The following HIPK2 variants were observed in gnomAD, a reference collection of about 807,000 sequenced individuals.
The protein encoded by HIPK2 is homeodomain interacting protein kinase 2, also known as homeodomain-interacting protein kinase 2.
In HIPK2, 27 loss-of-function variants were observed where a neutral mutation model predicts 113.7. That is an observed-to-expected ratio of 0.24 (90% CI 0.17 to 0.33). HIPK2 has a LOEUF of 0.33. HIPK2 is among the 10% of genes least tolerant of loss of function. The pLI is 1.00. For missense variants in HIPK2, 1,257 were observed against 1,588.0 expected (o/e 0.79, Z 3.54); for synonymous variants, 631 against 642.2 (o/e 0.98, Z 0.26).
rs1368683419 is a variant in HIPK2 at position 139,620,532 on chromosome 7, A to T, written c.1651T>A (p.Cys551Ser). The T allele has an allele frequency of 1.2e-6, 2 of 1,614,092 alleles. No individual in the cohort carries two copies. The highest frequency in any genetic ancestry group is 8.5e-7 in the Non-Finnish European group (1 of 1,180,042). The change falls in exon 7 of 15, where the codon TGC (cysteine) becomes AGC (serine). Residue 551 changes from cysteine to serine, a missense_variant. By Grantham distance (112) the Cys-to-Ser change is moderately radical. Around this residue, in one of 5 missense-constraint regions of HIPK2, gnomAD observed 862 missense variants for 1,004.3 expected, o/e 0.86. Coordinates refer to ENST00000406875, the MANE Select transcript of HIPK2 (RefSeq NM_022740.5). ...TCATACATATTCACCCGACGCTTGCAGATCTCCATGTTCTGGAAACATGAT... is the reference window on the plus strand; with the variant it reads ...TCATACATATTCACCCGACGCTTGCTGATCTCCATGTTCTGGAAACATGAT... The part of the protein sequence containing the change: ...VKSCFQNMEI[C>S]KRRVNMYDTV...
At chr7:139,580,308 G>A (rs376811014) in intron 13 of HIPK2, among the ~76,000 whole-genome samples, 2 of 152,156 alleles carry the variant, frequency 1.3e-5, no homozygotes, top group South Asian at 4.1e-4. Flanking sequence ...TGAAATGGGC[G>A]TAATGCAGCC....
intron 2 of HIPK2, among the ~76,000 whole-genome samples, chr7:139,709,944 T>C (rs1795012463): frequency 1.3e-5 from 2 of 152,226 alleles, no homozygotes; most frequent in South Asian, 4.1e-4. Flanking sequence ...TTAAATGCAC[T>C]AACAATGTCC....
chr7:139,650,038 C>G (rs1801398453), intron 2 of HIPK2, among the ~76,000 whole-genome samples: 2 of 151,986 alleles, frequency 1.3e-5, no homozygotes, highest in Non-Finnish European at 1.5e-5. Flanking sequence ...GAAGACAGTT[C>G]TAAGATGGGA....
At chr7:139,646,944 C>T (rs1287708883) in intron 2 of HIPK2, among the ~76,000 whole-genome samples, 6 of 151,920 alleles carry the variant, frequency 3.9e-5, no homozygotes, top group South Asian at 2.1e-4. Context: ...TGTCAGTGGC[C>T]CTGTGGAAAG....
chr7:139,682,188 G>A (rs1436460125), intron 2 of HIPK2, among the ~76,000 whole-genome samples: 2 of 152,100 alleles, frequency 1.3e-5, no homozygotes, highest in African/African-American at 4.8e-5. Flanking sequence ...CAATATTCAC[G>A]ACAGGCAAGG....
intron 6 of HIPK2, among the ~76,000 whole-genome samples, chr7:139,625,837 G>A (rs1017456333): frequency 3.9e-5 from 6 of 152,114 alleles, no homozygotes; most frequent in African/African-American, 9.7e-5. Flanking sequence ...ACTGTACCCC[G>A]GCACACAGCA....
At chr7:139,643,927 T>A (rs1801118898) in intron 2 of HIPK2, among the ~76,000 whole-genome samples, 1 of 152,172 alleles carries the variant, frequency 6.6e-6, no homozygotes, top group African/African-American at 2.4e-5. Context: ...TGGTCTCTGG[T>A]GCTATACCAT....
intron 2 of HIPK2, among the ~76,000 whole-genome samples, chr7:139,691,834 T>G (rs753365272): frequency 2.0e-5 from 3 of 152,200 alleles, no homozygotes; most frequent in Non-Finnish European, 4.4e-5. Context: ...ATCATGGTGC[T>G]CTGTCAAGTA....
chr7:139,604,683 CAAAAAAAAAAA>C (rs11353760), intron 9 of HIPK2, among the ~76,000 whole-genome samples: 1 of 48,772 alleles, frequency 2.1e-5, no homozygotes, highest in African/African-American at 7.7e-5. Flanking sequence ...GACTCCGTCT[CAAAAAAAAAAA>C]AAAAAAAAAA....
intron 1 of HIPK2, among the ~76,000 whole-genome samples, chr7:139,775,775 C>CG (rs1030983620): frequency 7.2e-5 from 11 of 152,146 alleles, no homozygotes; most frequent in South Asian, 4.1e-4. Context: ...GTCTCAGCCT[C>CG]GGGGGCATGG....
Position 139,563,936 on chromosome 7 carries a change from C to A in HIPK2, c.*8991G>T. 2.5e-6 allele frequency: 1 copy of A among 398,634 alleles called. No individual in the cohort carries two copies. Among genetic ancestry groups the A allele is most frequent in the Non-Finnish European group, 4.4e-6 (1 of 226,072 alleles). 24.7% of individuals were successfully genotyped at this position (398,634 alleles called of 1,614,324 possible). A position where few individuals can be genotyped will look rare whatever the true frequency, so the allele number is the denominator to read the frequency against. Reference sequence around the variant, plus strand: ...TAAAAGAAACCAAGACTCAGGGAAACTGCCATTCCCCCAGTCTGTTTCTGC... The same window carrying A: ...TAAAAGAAACCAAGACTCAGGGAAAATGCCATTCCCCCAGTCTGTTTCTGC... On this transcript the variant is annotated 3_prime_UTR_variant, in exon 15 of 15. Coordinates refer to ENST00000406875, the MANE Select transcript of HIPK2 (RefSeq NM_022740.5).
chr7:139,776,282 A>G (rs1272113190), intron 1 of HIPK2, among the ~76,000 whole-genome samples: 1 of 146,732 alleles, frequency 6.8e-6, no homozygotes, highest in Non-Finnish European at 1.5e-5. Flanking sequence ...TGTTTCTAAG[A>G]GAGTCTGAAA....
At chr7:139,773,618 G>GGA (rs145176496) in intron 1 of HIPK2, among the ~76,000 whole-genome samples, 4 of 152,036 alleles carry the variant, frequency 2.6e-5, no homozygotes, top group Non-Finnish European at 4.4e-5. Flanking sequence ...TGGGAGGAAG[G>GGA]GAGAGAGAGA....
intron 1 of HIPK2, among the ~76,000 whole-genome samples, chr7:139,755,140 T>C (rs1461865612): frequency 6.6e-6 from 1 of 152,146 alleles, no homozygotes; most frequent in Admixed American, 6.5e-5. Flanking sequence ...GCACACACCA[T>C]CAGCCTGGTC....
At chr7:139,753,212 G>A (rs369656713) in intron 1 of HIPK2, among the ~76,000 whole-genome samples, 10 of 152,320 alleles carry the variant, frequency 6.6e-5, no homozygotes, top group African/African-American at 1.7e-4. Context: ...GGCTGCCTCC[G>A]CAGAACAGAG....
intron 1 of HIPK2, 89 bp downstream of exon 1, chr7:139,777,516 G>T: frequency 4.0e-6 from 2 of 497,330 alleles, no homozygotes; most frequent in Non-Finnish European, 5.3e-6. Context: ...GGCGCCGGGG[G>T]CTGCGGGCGC....
At chr7:139,643,426 T>G (rs559411368) in intron 2 of HIPK2, among the ~76,000 whole-genome samples, 43 of 151,886 alleles carry the variant, frequency 2.8e-4, no homozygotes, top group African/African-American at 9.9e-4. Context: ...ACACTGATCC[T>G]TCGTTCTTAG....
chr7:139,753,132 G>A (rs1372023210), intron 1 of HIPK2, among the ~76,000 whole-genome samples: 3 of 152,204 alleles, frequency 2.0e-5, no homozygotes, highest in Non-Finnish European at 2.9e-5. Flanking sequence ...TGGGCACAGG[G>A]CTTTGCACAC....
At chr7:139,685,041 T>C (rs773957154) in intron 2 of HIPK2, among the ~76,000 whole-genome samples, 1 of 152,088 alleles carries the variant, frequency 6.6e-6, no homozygotes, top group Non-Finnish European at 1.5e-5. Context: ...GTTCATAAGG[T>C]TTAAGGAAAT....
Sources: gnomAD v4.1 joint callset for allele counts (sites outside exome capture counted in the v4.1 genomes callset) on GRCh38, gnomAD v4.1.1 for gene constraint, gnomAD v4.1.1 regional missense constraint, MANE v1.5 for transcripts, NCBI Gene and HGNC (gene_info 2026-07-23, HGNC 2026-07-21) for gene names.